SCN11A: variants seen among roughly 807,000 people sequenced by gnomAD.
The protein encoded by SCN11A is sodium voltage-gated channel alpha subunit 11.
In SCN11A, 122 loss-of-function variants were observed where a neutral mutation model predicts 162.2. The ratio of observed to expected loss-of-function variants is 0.75; its 90% CI spans 0.65 to 0.87. SCN11A has a LOEUF of 0.87. SCN11A is among the 40% of genes least tolerant of loss of function. The pLI is 0.00. For synonymous variants in SCN11A, 758 were observed against 751.5 expected (o/e 1.01, Z -0.14); for missense variants, 2,015 against 2,181.6 (o/e 0.92, Z 1.52).
chr3:38,880,183 A>C, intron 22 of SCN11A, 60 bp from the exon 23 acceptor site: 1 of 1,284,782 alleles, frequency 7.8e-7, no homozygotes, highest in South Asian at 1.4e-5. Flanking sequence ...CTCCTTGGTA[A>C]CTTTACTTTT....
At chr3:39,046,561 A>T (rs2032185535) in intron 1 of SCN11A, among the ~76,000 whole-genome samples, 1 of 152,204 alleles carries the variant, frequency 6.6e-6, no homozygotes, top group Non-Finnish European at 1.5e-5. Context: ...TAGCCAAAGC[A>T]ATCCTGAGCA....
chr3:38,877,739 T>C (rs2065241711), intron 23 of SCN11A, among the ~76,000 whole-genome samples: 1 of 127,516 alleles, frequency 7.8e-6, no homozygotes. Flanking sequence ...ATGGTATATA[T>C]ATGGTGTATA....
intron 2 of SCN11A, among the ~76,000 whole-genome samples, chr3:39,009,210 T>C (rs2031060269): frequency 6.6e-6 from 1 of 152,062 alleles, no homozygotes. Context: ...TGTTTTGTTT[T>C]AGAAAACATA....
Position 38,986,636 on chromosome 3 carries a change from G to GTGTTGTTGT in SCN11A, c.-279-26222_-279-26214dup, listed in dbSNP as rs562222005. On this transcript the variant is annotated intron_variant, in intron 2 of 29. Transcript: ENST00000302328. ...CTTCTCTCTCTCTCTCTGTGTGTGTGTGTTGTTGTTGTTGTTGTTGTATTG... is the reference window on the plus strand; with the variant it reads ...CTTCTCTCTCTCTCTCTGTGTGTGTGTGTTGTTGTTGTTGTTGTTGTTGTTGTTGTATTG... Among the ~76,000 whole-genome samples, 690 of 151,984 alleles carry GTGTTGTTGT rather than the reference G, an allele frequency of 4.5e-3. 5 individuals are homozygous for GTGTTGTTGT. Among genetic ancestry groups the GTGTTGTTGT allele is most frequent in the African/African-American group, 0.016 (676 of 41,446 alleles).
intron 7 of SCN11A, among the ~76,000 whole-genome samples, chr3:38,932,727 A>G (rs1300827910): frequency 6.6e-6 from 1 of 152,246 alleles, no homozygotes; most frequent in African/African-American, 2.4e-5. Flanking sequence ...AGAAGCTCCA[A>G]CTGGGTGGAG....
At chr3:39,035,111 G>A (rs745995613) in intron 1 of SCN11A, among the ~76,000 whole-genome samples, 10 of 151,862 alleles carry the variant, frequency 6.6e-5, no homozygotes, top group Non-Finnish European at 1.3e-4. Context: ...AAATTTATAC[G>A]GAACCATGAA....
chr3:38,998,526 A>C (rs1169019381), intron 2 of SCN11A, among the ~76,000 whole-genome samples: 3 of 152,224 alleles, frequency 2.0e-5, no homozygotes, highest in African/African-American at 7.2e-5. Flanking sequence ...TACAACTAGA[A>C]ATACCATTTG....
chr3:38,848,634 G>A (rs1037495455), intron 29 of SCN11A, among the ~76,000 whole-genome samples: 6 of 152,184 alleles, frequency 3.9e-5, no homozygotes, highest in Non-Finnish European at 5.9e-5. Flanking sequence ...TGCCAATTCA[G>A]CAACAACTGG....
rs1336163892 is a variant in SCN11A, at chr3:38,932,716, G to A, written c.489-5785C>T. Among the ~76,000 whole-genome samples the A allele has an allele frequency of 5.9e-5, 9 of 152,208 alleles. No homozygotes were observed. In the South Asian group the frequency reaches 8.3e-4, roughly 14 times the overall value. On this transcript the variant is annotated intron_variant, in intron 7 of 29. Transcript: ENST00000302328. ...GCTTGCTTAGGTAAACAAAGCAGCC[G>A]AGAAGCTCCAACTGGGTGGAGCCCA...
intron 2 of SCN11A, among the ~76,000 whole-genome samples, chr3:38,986,075 A>G (rs550358989): frequency 6.6e-6 from 1 of 151,218 alleles, no homozygotes; most frequent in East Asian, 1.9e-4. Context: ...CAAAAGCCAC[A>G]ATGTCTAGCT....
At chr3:38,969,943 C>T (rs1394987436) in intron 2 of SCN11A, among the ~76,000 whole-genome samples, 2 of 150,092 alleles carry the variant, frequency 1.3e-5, no homozygotes, top group African/African-American at 4.9e-5. Flanking sequence ...AGCCTCCAGG[C>T]TTGCCTGCCC....
intron 19 of SCN11A, among the ~76,000 whole-genome samples, chr3:38,889,692 C>T (rs1287318617): frequency 8.8e-5 from 13 of 147,376 alleles, no homozygotes; most frequent in African/African-American, 3.0e-4. Flanking sequence ...CCCAGCTACT[C>T]GGGAGGCTGA....
At chr3:38,882,742 A>T (rs1171381850) in intron 22 of SCN11A, among the ~76,000 whole-genome samples, 1 of 152,142 alleles carries the variant, frequency 6.6e-6, no homozygotes, top group East Asian at 1.9e-4. Flanking sequence ...ATAAAGCAAC[A>T]TCTCCTTGTC....
In SCN11A at chr3:38,852,532, C is replaced by T. The variant is rs143856600; in HGVS notation, c.4057-1781G>A. On this transcript the variant is annotated intron_variant, in intron 28 of 29. Coordinates refer to ENST00000302328, the MANE Select transcript of SCN11A (RefSeq NM_001349253.2). ...AAAAGCATTCTATGTCACTTCAGAACGCAGTGTGACTCCTATACCTCAGTA... is the reference window on the plus strand; with the variant it reads ...AAAAGCATTCTATGTCACTTCAGAATGCAGTGTGACTCCTATACCTCAGTA... Among the ~76,000 whole-genome samples the T allele has an allele frequency of 7.9e-3, 1,195 of 152,200 alleles. 7 individuals are homozygous for T. The highest frequency in any genetic ancestry group is 0.029 in the South Asian group (139 of 4,814).
Position 38,870,665 on chromosome 3 carries a change from C to T in SCN11A, c.3813+26G>A, listed in dbSNP as rs760970880. 9.4e-6 allele frequency: 15 copies of T among 1,602,642 alleles called. No homozygotes were observed. The Admixed American group carries it at 2.3e-4, about 25-fold the overall frequency. On this transcript the variant is annotated intron_variant, in intron 26 of 29. Coordinates refer to ENST00000302328, the MANE Select transcript of SCN11A (RefSeq NM_001349253.2). ...TATCTCTGACTTGACCATAACACTCCAGAACATGGTAGAACACTGACTCAC... is the reference window on the plus strand; with the variant it reads ...TATCTCTGACTTGACCATAACACTCTAGAACATGGTAGAACACTGACTCAC...
At chr3:38,919,895 G>T in intron 11 of SCN11A, 40 bp downstream of exon 11, 7 of 1,454,668 alleles carry the variant, frequency 4.8e-6, no homozygotes, top group Non-Finnish European at 6.8e-6. Context: ...AAGGTCTAGA[G>T]GTACTCTTCT....
chr3:38,947,042 C>G lies in SCN11A; in HGVS notation c.268-135G>C, dbSNP rs1331731028. 3 of 608,594 alleles carry G rather than the reference C, an allele frequency of 4.9e-6. No homozygotes were observed. The African/African-American group carries it at 5.6e-5, about 11-fold the overall frequency. 37.7% of individuals were successfully genotyped at this position (608,594 alleles called of 1,614,324 possible). ...AAACTGTTGGGCTGTGGAATATTTA[C>G]CCAATGGGATACTCCAGAAGAATCA... On this transcript the variant is annotated intron_variant, in intron 5 of 29. Transcript: ENST00000302328.
chr3:38,847,310 T>C lies in SCN11A; in HGVS notation c.4760A>G (p.Tyr1587Cys). ...PGIATSYFVS[Y>C]IIISFLIVVN... ...AACAATGAGAAAGGAGATGATAATG[T>C]AACTGACAAAGTAGGATGTGGCTAT... The change falls in exon 30 of 30, where the codon TAC (tyrosine) becomes TGC (cysteine). Residue 1587 changes from tyrosine to cysteine, a missense_variant. Physicochemically the swap from Tyr to Cys is radical, Grantham distance 194. Transcript: ENST00000302328. 6.2e-7 allele frequency: 1 copy of C among 1,614,232 alleles called. No homozygotes were observed. The highest frequency in any genetic ancestry group is 8.5e-7 in the Non-Finnish European group (1 of 1,180,022).
intron 29 of SCN11A, among the ~76,000 whole-genome samples, chr3:38,848,843 G>C (rs1575203275): frequency 1.3e-5 from 2 of 152,300 alleles, no homozygotes; most frequent in South Asian, 2.1e-4. Context: ...CTCCTAGAGA[G>C]AGATTCATTT....
Sources: allele counts gnomAD v4.1 joint callset (sites outside exome capture counted in the v4.1 genomes callset), GRCh38; gene constraint gnomAD v4.1.1; transcripts MANE v1.5; gene names NCBI Gene and HGNC (gene_info 2026-07-23, HGNC 2026-07-21).